RYR2: variants seen among roughly 807,000 people sequenced by gnomAD.
RYR2 encodes ryanodine receptor 2.
A neutral mutation model predicts 601.1 loss-of-function variants in RYR2; 227 were observed. The ratio of observed to expected loss-of-function variants is 0.38; its 90% CI spans 0.34 to 0.42. The LOEUF (loss-of-function observed/expected upper bound fraction) is 0.42. Among genes scored for constraint, RYR2 ranks in the 10% least tolerant of loss-of-function variants. The pLI is 1.00. For missense variants in RYR2, 4,646 were observed against 6,156.5 expected (o/e 0.75, Z 8.21); for synonymous variants, 2,223 against 2,175.1 (o/e 1.02, Z -0.61).
At chr1:237,626,425 C>T (rs369592780) in intron 40 of RYR2, among the ~76,000 whole-genome samples, 78 of 152,008 alleles carry the variant, frequency 5.1e-4, no homozygotes, top group African/African-American at 1.7e-3. Context: ...CTTACGAAAA[C>T]TTTTACAGCA....
chr1:237,306,432 T>C (rs527499532), intron 2 of RYR2, among the ~76,000 whole-genome samples: 1 of 152,334 alleles, frequency 6.6e-6, no homozygotes, highest in African/African-American at 2.4e-5. Context: ...GACTATTCTA[T>C]CATTTAATCT....
In RYR2 at chr1:237,709,528, C is replaced by A. The variant is rs1029985619; in HGVS notation, c.10191C>A (p.Arg3397=). The A allele has an allele frequency of 6.2e-7, 1 of 1,611,928 alleles. No homozygotes were observed. ...EPNPEAEELF[R]MVAEVFIYWS... ...ACCCAGAAGCAGAGGAGCTCTTCCG[C>A]ATGGTGGCTGAAGTGTTTATCTACT... Residue 3397 remains arginine, a synonymous_variant, in exon 70 of 105, where the codon CGC becomes CGA. Transcript: ENST00000366574.
chr1:237,116,241 C>G (rs775377956), intron 1 of RYR2, among the ~76,000 whole-genome samples: 4 of 152,136 alleles, frequency 2.6e-5, no homozygotes, highest in Non-Finnish European at 4.4e-5. Flanking sequence ...CACTTACCTA[C>G]CTTGCATGGA....
At chr1:237,158,223 T>C (rs948988684) in intron 1 of RYR2, among the ~76,000 whole-genome samples, 1 of 152,164 alleles carries the variant, frequency 6.6e-6, no homozygotes, top group Non-Finnish European at 1.5e-5. Flanking sequence ...AAAATAGTTA[T>C]AGATGGAGTG....
chr1:237,616,332 TACTC>T (rs1406122024), intron 37 of RYR2, among the ~76,000 whole-genome samples: 1 of 152,240 alleles, frequency 6.6e-6, no homozygotes, highest in East Asian at 1.9e-4. Context: ...TCTACCAACA[TACTC>T]ACTCAGTTAT....
At chr1:237,208,970 A>ATATATATATG (rs1682196105) in intron 1 of RYR2, among the ~76,000 whole-genome samples, 1 of 91,532 alleles carries the variant, frequency 1.1e-5, no homozygotes, top group African/African-American at 3.3e-5. Flanking sequence ...ATATATATAT[A>ATATATATATG]TATATATATA....
At position 237,452,252 on chromosome 1, in the gene RYR2, G is replaced by A. The variant is rs1043686397; in HGVS notation, c.1293-2139G>A. On this transcript the variant is annotated intron_variant, in intron 14 of 104. Coordinates refer to ENST00000366574, the MANE Select transcript of RYR2 (RefSeq NM_001035.3). ...ATTATGTAGTATATTATAATGTATA[G>A]TATAGTATATGTTATATATACTATA... Among the ~76,000 whole-genome samples the A allele has an allele frequency of 4.2e-5, 6 of 142,816 alleles. No homozygotes were observed. The Admixed American group carries it at 4.4e-4, about 10-fold the overall frequency. 93.7% of individuals were successfully genotyped at this position (142,816 alleles called of 152,430 possible).
intron 27 of RYR2, 38 bp from the exon 28 acceptor site, chr1:237,566,529 C>A (rs369277483): frequency 4.0e-5 from 64 of 1,585,752 alleles, no homozygotes; most frequent in Non-Finnish European, 5.1e-5. Context: ...TTCACCTCCC[C>A]ATCCAATGAC....
intron 36 of RYR2, among the ~76,000 whole-genome samples, chr1:237,613,759 A>G (rs1678153269): frequency 6.6e-6 from 1 of 152,310 alleles, no homozygotes; most frequent in Admixed American, 6.5e-5. Flanking sequence ...TTTGAGCACC[A>G]ACATAATGCT....
At position 237,706,953 on chromosome 1, in the gene RYR2, C is replaced by T. The variant is rs747861813; in HGVS notation, c.9585C>T (p.Leu3195=). The change falls in exon 68 of 105, where the codon CTC becomes CTT. Residue 3195 remains leucine (L), a synonymous_variant. Coordinates refer to ENST00000366574, the MANE Select transcript of RYR2 (RefSeq NM_001035.3). The part of the protein sequence containing the change: ...NTKSSRERAA[L]SLPTNVEDVC... ...TTTTTATATGTACTTCTCCAGCTCT[C>T]AGTTTGCCAACTAATGTGGAAGATG... The T allele has an allele frequency of 3.1e-6, 5 of 1,610,314 alleles. No individual in the cohort carries two copies. The East Asian group carries it at 1.1e-4, about 36-fold the overall frequency.
At chr1:237,747,027 T>C (rs1456890263) in intron 80 of RYR2, among the ~76,000 whole-genome samples, 1 of 152,198 alleles carries the variant, frequency 6.6e-6, no homozygotes, top group Non-Finnish European at 1.5e-5. Flanking sequence ...CTTCTTTTAT[T>C]GCTCTTCTCT....
intron 38 of RYR2, 133 bp from the exon 39 acceptor site, chr1:237,623,632 T>C: frequency 1.7e-6 from 1 of 586,404 alleles, no homozygotes; most frequent in South Asian, 2.1e-5. Context: ...GACCTCGTGA[T>C]CTGCCCACCT....
At chr1:237,149,485 T>C (rs1674462326) in intron 1 of RYR2, among the ~76,000 whole-genome samples, 1 of 152,174 alleles carries the variant, frequency 6.6e-6, no homozygotes, top group Admixed American at 6.6e-5. Flanking sequence ...TGAAGCCAAG[T>C]GCCATAAACA....
intron 3 of RYR2, among the ~76,000 whole-genome samples, chr1:237,346,891 A>T (rs1403910992): frequency 6.6e-6 from 1 of 152,116 alleles, no homozygotes; most frequent in African/African-American, 2.4e-5. Flanking sequence ...CTCCCACATT[A>T]ATGTCATGTC....
At chr1:237,497,435 G>C (rs1022217245) in intron 20 of RYR2, among the ~76,000 whole-genome samples, 3 of 152,154 alleles carry the variant, frequency 2.0e-5, no homozygotes, top group Non-Finnish European at 4.4e-5. Flanking sequence ...AGTTTGGTTA[G>C]CTCCATTTAA....
At chr1:237,207,501 G>T (rs1027477732) in intron 1 of RYR2, among the ~76,000 whole-genome samples, 1 of 152,252 alleles carries the variant, frequency 6.6e-6, no homozygotes, top group Non-Finnish European at 1.5e-5. Context: ...AGGAGGCGGA[G>T]GTTGCAGTGA....
chr1:237,256,562 A>G (rs1688008241), intron 1 of RYR2, among the ~76,000 whole-genome samples: 1 of 152,186 alleles, frequency 6.6e-6, no homozygotes, highest in Admixed American at 6.5e-5. Context: ...GCTCCTCTTA[A>G]TTATTCCGTT....
In RYR2 at chr1:237,601,677, A is replaced by G. The variant is rs187815575; in HGVS notation, c.4597-348A>G. Reference sequence around the variant, plus strand: ...TGATCATTACACAATGTATGCAAGTATCAAAACATCATGTTACACCCCATT... The same window carrying G: ...TGATCATTACACAATGTATGCAAGTGTCAAAACATCATGTTACACCCCATT... On this transcript the variant is annotated intron_variant, in intron 34 of 104. Coordinates refer to ENST00000366574, the MANE Select transcript of RYR2 (RefSeq NM_001035.3). 4.3e-4 allele frequency among the ~76,000 whole-genome samples: 66 copies of G among 152,348 alleles called. No individual in the cohort carries two copies. In the East Asian group the frequency reaches 0.012, roughly 28 times the overall value.
intron 48 of RYR2, among the ~76,000 whole-genome samples, chr1:237,645,464 G>A (rs1682024909): frequency 6.6e-6 from 1 of 152,148 alleles, no homozygotes; most frequent in East Asian, 1.9e-4. Context: ...TATACTTTGA[G>A]CCACAAAATA....
Sources: gnomAD v4.1 joint callset for allele counts (sites outside exome capture counted in the v4.1 genomes callset) on GRCh38, gnomAD v4.1.1 for gene constraint, MANE v1.5 for transcripts, NCBI Gene and HGNC (gene_info 2026-07-23, HGNC 2026-07-21) for gene names.